Variants in ANKRD28 observed in about 807,000 individuals in gnomAD.
ANKRD28 encodes ankyrin repeat domain 28, also known as serine/threonine-protein phosphatase 6 regulatory ankyrin repeat subunit A.
Under a neutral mutation model 126.5 loss-of-function variants are expected in ANKRD28, and 44 were observed. That is an observed-to-expected ratio of 0.35 (90% CI 0.27 to 0.45). The LOEUF (loss-of-function observed/expected upper bound fraction) is 0.45, where lower values mean the gene tolerates loss of function less well. ANKRD28 is among the 20% of genes least tolerant of loss of function. The probability of loss-of-function intolerance (pLI) is 1.00; values close to 1 mark genes in which losing one functional copy is unlikely to be tolerated. For missense variants in ANKRD28, 1,110 were observed against 1,316.6 expected, an observed-to-expected ratio of 0.84 and a Z score of 2.43; for synonymous variants, 442 against 468.5, an observed-to-expected ratio of 0.94 and a Z score of 0.73.
At chr3:15,840,570 AC>A (rs1438918731) in intron 1 of ANKRD28, among the ~76,000 whole-genome samples, 1 of 152,224 alleles carries the variant, frequency 6.6e-6, no homozygotes, top group Non-Finnish European at 1.5e-5. Flanking sequence ...ACAACAAAAG[AC>A]CCAGAATAGC....
intron 4 of ANKRD28, among the ~76,000 whole-genome samples, chr3:15,742,946 G>A (rs966965161): frequency 1.1e-4 from 17 of 151,524 alleles, no homozygotes; most frequent in African/African-American, 2.9e-4. Flanking sequence ...GGGGAAAGGC[G>A]GGGAAAGGAT....
Position 15,796,925 on chromosome 3 carries a change from G to C in ANKRD28, c.-404C>G. ...TGGTGACACAACACCACACAATATA[G>C]AATGAAATGAGAAACAACTGCTGTG... On this transcript the variant is annotated 5_prime_UTR_variant, in exon 1 of 28. Transcript: ENST00000683139. 2.0e-6 allele frequency: 2 copies of C among 985,628 alleles called. No individual in the cohort carries two copies. Among genetic ancestry groups the C allele is most frequent in the Non-Finnish European group, 2.4e-6 (2 of 830,180 alleles). The allele number at this position is 985,628 out of a possible 1,614,324, so 61.1% of individuals were successfully genotyped here.
chr3:15,834,514 G>C (rs2061279617), intron 1 of ANKRD28, among the ~76,000 whole-genome samples: 1 of 152,120 alleles, frequency 6.6e-6, no homozygotes, highest in Admixed American at 6.5e-5. Context: ...GAACATGGGA[G>C]AGTTTAATGA....
chr3:15,762,528 T>C (rs1291937771), intron 3 of ANKRD28, among the ~76,000 whole-genome samples: 1 of 152,198 alleles, frequency 6.6e-6, no homozygotes, highest in Non-Finnish European at 1.5e-5. Flanking sequence ...AGTCTATTTT[T>C]TTTCAACCTT....
In ANKRD28 at chr3:15,843,675, T is replaced by TA. The variant is rs921056100; in HGVS notation, c.27+15701dup. Reference sequence around the variant, plus strand: ...AAGGTATCAATAAGAAAGCAATGGGTAAAAAAAATGAATACAAATAAGAGA... The same window carrying TA: ...AAGGTATCAATAAGAAAGCAATGGGTAAAAAAAAATGAATACAAATAAGAGA... On this transcript the variant is annotated intron_variant, in intron 1 of 27. Transcript: ENST00000399451. This position sits in a 1 kb window ranked among gnomAD's most constrained non-coding sequence, Gnocchi z 5.2. Among the ~76,000 whole-genome samples the TA allele has an allele frequency of 7.6e-5, 11 of 145,220 alleles. No individual in the cohort carries two copies. Among genetic ancestry groups the TA allele is most frequent in the African/African-American group, 1.8e-4 (7 of 38,976 alleles).
At chr3:15,765,110 C>T (rs1296594941) in intron 3 of ANKRD28, among the ~76,000 whole-genome samples, 1 of 152,124 alleles carries the variant, frequency 6.6e-6, no homozygotes, top group East Asian at 1.9e-4. Flanking sequence ...TTTGGCAATA[C>T]AAGCTCAAAT....
In ANKRD28 at chr3:15,742,126, G is replaced by A. The variant is rs1158235294; in HGVS notation, c.352-4893C>T. Reference sequence around the variant, plus strand: ...CAGCCACCTGCCTTGGCCTCCCAAAGTGCCAAGATTACAGCCTCTGCCCGG... The same window carrying A: ...CAGCCACCTGCCTTGGCCTCCCAAAATGCCAAGATTACAGCCTCTGCCCGG... On this transcript the variant is annotated intron_variant, in intron 4 of 27. Coordinates refer to ENST00000683139, the MANE Select transcript of ANKRD28 (RefSeq NM_001349278.2). Among the ~76,000 whole-genome samples the A allele has an allele frequency of 3.9e-5, 6 of 152,316 alleles. No homozygotes were observed. The East Asian group carries it at 1.2e-3, about 29-fold the overall frequency.
chr3:15,810,231 T>G (rs1481226971), intron 1 of ANKRD28, among the ~76,000 whole-genome samples: 1 of 151,640 alleles, frequency 6.6e-6, no homozygotes, highest in Admixed American at 6.6e-5. Flanking sequence ...CCAGAGGCCA[T>G]GTAGGATGGT....
chr3:15,751,431 A>C (rs1459561174), intron 4 of ANKRD28, among the ~76,000 whole-genome samples: 1 of 152,184 alleles, frequency 6.6e-6, no homozygotes, highest in Non-Finnish European at 1.5e-5. Flanking sequence ...AATCAGTGAA[A>C]CCTTTGTAAG....
At chr3:15,847,134 G>A (rs953266699) in intron 1 of ANKRD28, among the ~76,000 whole-genome samples, 25 of 152,192 alleles carry the variant, frequency 1.6e-4, no homozygotes, top group African/African-American at 6.0e-4. Context: ...AGCTTGCCAA[G>A]TGACTCTGAT....
chr3:15,773,613 T>G (rs1311960757), intron 2 of ANKRD28, among the ~76,000 whole-genome samples: 1 of 151,460 alleles, frequency 6.6e-6, no homozygotes, highest in South Asian at 2.1e-4. Flanking sequence ...TAAGACTCCA[T>G]GTCAAAAAAG....
At chr3:15,771,021 G>C (rs1225403141) in intron 2 of ANKRD28, among the ~76,000 whole-genome samples, 2 of 152,158 alleles carry the variant, frequency 1.3e-5, no homozygotes, top group African/African-American at 4.8e-5. Flanking sequence ...CATTGTATCA[G>C]TCTGTTTTGC....
chr3:15,676,904 T>TA (rs1258994645), intron 26 of ANKRD28, 70 bp downstream of exon 26: 20 of 1,343,202 alleles, frequency 1.5e-5, no homozygotes, highest in Non-Finnish European at 1.8e-5. Context: ...GTCACATGTT[T>TA]AAAAAAATCC....
intron 14 of ANKRD28, among the ~76,000 whole-genome samples, chr3:15,698,190 C>G (rs550000963): frequency 1.3e-5 from 2 of 152,084 alleles, no homozygotes. Flanking sequence ...AATTCAACAG[C>G]ACTTCATGCT....
intron 18 of ANKRD28, among the ~76,000 whole-genome samples, chr3:15,689,271 A>C (rs1041688573): frequency 1.1e-4 from 16 of 152,282 alleles, no homozygotes; most frequent in African/African-American, 3.4e-4. Context: ...AACCTTCAAA[A>C]CAACACAGGC....
In ANKRD28 at chr3:15,843,842, C is replaced by T. The variant is rs1044449775; in HGVS notation, c.27+15535G>A. 2.0e-5 allele frequency among the ~76,000 whole-genome samples: 3 copies of T among 151,130 alleles called. No individual in the cohort carries two copies. Among genetic ancestry groups the T allele is most frequent in the Non-Finnish European group, 4.4e-5 (3 of 67,858 alleles). The stretch of plus-strand genomic sequence containing the variant: ...TTTACAATAAGCAAGGGTATCAATA[C>T]GAAAGCAATGGGCAAGTTGCAAGAG... On this transcript the variant is annotated intron_variant, in intron 1 of 27. Transcript: ENST00000399451. This position sits in a 1 kb window ranked among gnomAD's most constrained non-coding sequence, Gnocchi z 5.2.
Position 15,843,597 on chromosome 3 carries a change from AAG to A in ANKRD28, c.27+15778_27+15779del, listed in dbSNP as rs1309213599. On this transcript the variant is annotated intron_variant, in intron 1 of 27. Coordinates refer to the ANKRD28 transcript ENST00000399451. The surrounding 1 kb of genome is among the most constrained non-coding windows in gnomAD (Gnocchi z 5.2). ...TTTGAGCCAAAAATAAGGGAAAAAA[AAG>A]AGAGAGAGGCAGAAATTAAAGTGTA... 6.6e-6 allele frequency among the ~76,000 whole-genome samples: 1 copy of A among 152,196 alleles called. No individual in the cohort carries two copies. Among genetic ancestry groups the A allele is most frequent in the African/African-American group, 2.4e-5 (1 of 41,452 alleles).
intron 6 of ANKRD28, among the ~76,000 whole-genome samples, chr3:15,726,459 C>A (rs770941018): frequency 1.3e-5 from 2 of 152,198 alleles, no homozygotes; most frequent in Non-Finnish European, 2.9e-5. Flanking sequence ...CTACAAAATT[C>A]GCTTATGCCA....
chr3:15,676,834 GTT>G (rs1319044453), intron 26 of ANKRD28, 138 bp downstream of exon 26: 31 of 580,998 alleles, frequency 5.3e-5, no homozygotes, highest in African/African-American at 3.4e-4. Context: ...TTAGAAATGA[GTT>G]TTGACAGTTG....
Sources: gnomAD v4.1 joint callset for allele counts (sites outside exome capture counted in the v4.1 genomes callset) on GRCh38, gnomAD v4.1.1 for gene constraint, Gnocchi (gnomAD v3.1) non-coding constraint, MANE v1.5 for transcripts, NCBI Gene and HGNC (gene_info 2026-07-23, HGNC 2026-07-21) for gene names.